The following PI16 variants were observed in gnomAD, a reference collection of about 807,000 sequenced individuals.
The protein encoded by PI16 is PSP94-binding protein.
In PI16, 35 loss-of-function variants were observed where a neutral mutation model predicts 38.0. That is an observed-to-expected ratio of 0.92 (90% CI 0.70 to 1.22). The LOEUF (loss-of-function observed/expected upper bound fraction) is 1.22. PI16 is among the 50% of genes most tolerant of loss of function. The pLI is 0.00. For missense variants in PI16, 572 were observed against 593.8 expected (o/e 0.96, Z 0.38); for synonymous variants, 275 against 252.9 (o/e 1.09, Z -0.83).
chr6:36,962,830 G>T lies in PI16; in HGVS notation c.593-105G>T. 5 of 942,096 alleles carry T rather than the reference G, an allele frequency of 5.3e-6. No individual in the cohort carries two copies. Among genetic ancestry groups the T allele is most frequent in the South Asian group, 5.0e-5 (3 of 59,672 alleles). 58.4% of individuals were successfully genotyped at this position (942,096 alleles called of 1,614,324 possible). On this transcript the variant is annotated intron_variant, in intron 4 of 6. Coordinates refer to ENST00000373674, the MANE Select transcript of PI16 (RefSeq NM_153370.3). The surrounding 1 kb of genome is among the most constrained non-coding windows in gnomAD (Gnocchi z 4.1). ...GCTGGAGAAGTGTATGTGTGTGTTT[G>T]TGTGTCCTGGTAGGACATTTGGTCG... is the stretch of plus-strand genomic sequence containing the variant.
chr6:36,957,184 T>C (rs889162414), intron 1 of PI16, among the ~76,000 whole-genome samples: 1 of 152,198 alleles, frequency 6.6e-6, no homozygotes, highest in Non-Finnish European at 1.5e-5. Flanking sequence ...GAAGGTTCTG[T>C]GTGTTCTGGC....
chr6:36,954,750 G>A lies in PI16; in HGVS notation c.-11G>A, dbSNP rs770290491. 79 of 1,606,650 alleles carry A rather than the reference G, an allele frequency of 4.9e-5. No individual in the cohort carries two copies. The highest frequency in any genetic ancestry group is 5.1e-5 in the Non-Finnish European group (60 of 1,175,868). On this transcript the variant is annotated 5_prime_UTR_variant, in exon 1 of 7. Transcript: ENST00000373674. Reference sequence around the variant, plus strand: ...ACCCCTGGACGGGAGAAGGAGAGACGGCTGGCCACCATGCACGGCTCCTGC... The same window carrying A: ...ACCCCTGGACGGGAGAAGGAGAGACAGCTGGCCACCATGCACGGCTCCTGC...
chr6:36,959,187 C>G lies in PI16; in HGVS notation c.214C>G (p.Arg72Gly), dbSNP rs1476910089. 4 of 1,610,992 alleles carry G rather than the reference C, an allele frequency of 2.5e-6. No homozygotes were observed. Among genetic ancestry groups the G allele is most frequent in the Non-Finnish European group, 3.4e-6 (4 of 1,179,280 alleles). Residue 72 changes from arginine to glycine, a missense_variant, in exon 2 of 7, where the codon CGG becomes GGG. Coordinates refer to ENST00000373674, the MANE Select transcript of PI16 (RefSeq NM_153370.3). ...ELAAFAKAYA[R>G]QCVWGHNKER... ...GGCCGCCTTCGCCAAGGCCTACGCA[C>G]GGCAGTGCGTGTGGGGCCACAACAA... is the stretch of plus-strand genomic sequence containing the variant.
At position 36,954,798 on chromosome 6, in the gene PI16, C is replaced by CGCTACT. The variant is rs761512620; in HGVS notation, c.48_53dup (p.Leu17_Leu18dup). 15 of 1,613,802 alleles carry CGCTACT rather than the reference C, an allele frequency of 9.3e-6. No individual in the cohort carries two copies. The South Asian group carries it at 1.2e-4, about 13-fold the overall frequency. On this transcript the variant is annotated inframe_insertion, in exon 1 of 7. Transcript: ENST00000373674. ...TGCAGTTTCCTGATGCTTCTGCTGC[C>CGCTACT]GCTACTGCTACTGCTGGTGGCCACC...
At chr6:36,950,400 GT>G (rs1267279157), upstream of PI16, among the ~76,000 whole-genome samples, 1 of 152,142 alleles carries the variant, frequency 6.6e-6, no homozygotes, top group Non-Finnish European at 1.5e-5. This position sits in a 1 kb window ranked among gnomAD's most constrained non-coding sequence, Gnocchi z 4.2. Context: ...CAAAATAATA[GT>G]CCATTGTATA....
At chr6:36,959,019 C>A in intron 1 of PI16, 126 bp from the exon 2 acceptor site, 1 of 822,552 alleles carries the variant, frequency 1.2e-6, no homozygotes, top group Non-Finnish European at 1.9e-6. Flanking sequence ...CTGTTCTAGG[C>A]CATGCCCAAG....
At position 36,959,350 on chromosome 6, in the gene PI16, G is replaced by T; in HGVS notation, c.377G>T (p.Cys126Phe). The T allele has an allele frequency of 6.4e-7, 1 of 1,560,070 alleles. No individual in the cohort carries two copies. The highest frequency in any genetic ancestry group is 8.7e-7 in the Non-Finnish European group (1 of 1,152,654). ...GCCACCTGCAGCCCAGGCCAGATGT[G>T]CGGCCACTACACGCAGGTGTGGGCC... ...SAATCSPGQM[C>F]GHYTQVVWAK... Residue 126 changes from cysteine to phenylalanine, a missense_variant, in exon 2 of 7, where the codon TGC becomes TTC. Physicochemically the swap from Cys to Phe is radical, Grantham distance 205. Coordinates refer to ENST00000373674, the MANE Select transcript of PI16 (RefSeq NM_153370.3).
chr6:36,963,967 G>GGCCTGGT lies in PI16; in HGVS notation c.*18+7_*18+13dup. On this transcript the variant is annotated splice_donor_region_variant and intron_variant, in intron 6 of 6. Coordinates refer to ENST00000373674, the MANE Select transcript of PI16 (RefSeq NM_153370.3). ...TGAAGGGGATACCACTCAAAGGCAA[G>GGCCTGGT]GCCTGGTGAGGGGGGCCCTGGCCTC... The GGCCTGGT allele has an allele frequency of 1.9e-6, 3 of 1,601,524 alleles. No homozygotes were observed. Among genetic ancestry groups the GGCCTGGT allele is most frequent in the Non-Finnish European group, 2.6e-6 (3 of 1,175,002 alleles).
chr6:36,956,954 C>T (rs1424536959), intron 1 of PI16, among the ~76,000 whole-genome samples: 1 of 152,196 alleles, frequency 6.6e-6, no homozygotes, highest in East Asian at 1.9e-4. Context: ...TGAAATCTAA[C>T]CCTTACCCCT....
rs1362201458 is a variant in PI16, at chr6:36,962,995, C to A, written c.653C>A (p.Ser218Tyr). ...CCTTACCTGGTAACTGAGGCCCCATCCTTCCGGGCGACTGAAGCATCAGAC... is the reference window on the plus strand; with the variant it reads ...CCTTACCTGGTAACTGAGGCCCCATACTTCCGGGCGACTGAAGCATCAGAC... ...DLPYLVTEAP[S>Y]FRATEASDSR... Residue 218 changes from serine to tyrosine, a missense_variant, in exon 5 of 7, where the codon TCC becomes TAC. By Grantham distance (144) the Ser-to-Tyr change is moderately radical (BLOSUM62 -2). Coordinates refer to ENST00000373674, the MANE Select transcript of PI16 (RefSeq NM_153370.3). The surrounding 1 kb of genome is among the most constrained non-coding windows in gnomAD (Gnocchi z 4.1). The A allele has an allele frequency of 6.2e-7, 1 of 1,614,102 alleles. No homozygotes were observed. The highest frequency in any genetic ancestry group is 1.1e-5 in the South Asian group (1 of 91,092).
Position 36,962,467 on chromosome 6 carries a change from T to C in PI16, c.593-468T>C, listed in dbSNP as rs1470479894. On this transcript the variant is annotated intron_variant, in intron 4 of 6. Coordinates refer to ENST00000373674, the MANE Select transcript of PI16 (RefSeq NM_153370.3). This position sits in a 1 kb window ranked among gnomAD's most constrained non-coding sequence, Gnocchi z 4.1. ...TCACCAGAAGTAACGTTTCTTTTCT[T>C]TTCTTTTTTCTTTTTCTTTTTTTTG... Among the ~76,000 whole-genome samples, 1 of 152,290 alleles carries C rather than the reference T, an allele frequency of 6.6e-6. No homozygotes were observed. Among genetic ancestry groups the C allele is most frequent in the East Asian group, 1.9e-4 (1 of 5,174 alleles).
rs1166360448 is a variant in PI16 at position 36,962,889 on chromosome 6, G to C, written c.593-46G>C. 1.4e-5 allele frequency: 21 copies of C among 1,509,822 alleles called. No homozygotes were observed. Among genetic ancestry groups the C allele is most frequent in the Non-Finnish European group, 1.6e-5 (18 of 1,111,548 alleles). The allele number at this position is 1,509,822 out of a possible 1,614,324, so 93.5% of individuals were successfully genotyped here. A position where few individuals can be genotyped will look rare whatever the true frequency, so the allele number is the denominator to read the frequency against. ...GGTTTGCAGTGCCATGAGAGATGTGGGGTCCTGCTTGCAGCACTCATGCCC... is the reference window on the plus strand; with the variant it reads ...GGTTTGCAGTGCCATGAGAGATGTGCGGTCCTGCTTGCAGCACTCATGCCC... On this transcript the variant is annotated intron_variant, in intron 4 of 6. Coordinates refer to ENST00000373674, the MANE Select transcript of PI16 (RefSeq NM_153370.3). This position sits in a 1 kb window ranked among gnomAD's most constrained non-coding sequence, Gnocchi z 4.1.
At chr6:36,952,319 G>A (rs1247908923), upstream of PI16, among the ~76,000 whole-genome samples, 1 of 152,120 alleles carries the variant, frequency 6.6e-6, no homozygotes, top group Non-Finnish European at 1.5e-5. Flanking sequence ...TTTTAATGAA[G>A]TCCAATTTAT....
At position 36,963,852 on chromosome 6, in the gene PI16, G is replaced by T; in HGVS notation, c.1300G>T (p.Val434Leu). The T allele has an allele frequency of 6.2e-7, 1 of 1,612,208 alleles. No individual in the cohort carries two copies. Among genetic ancestry groups the T allele is most frequent in the Non-Finnish European group, 8.5e-7 (1 of 1,179,250 alleles). ...GAEGPDKPSVVSGLNSGPGHV... is the reference protein window; with the variant it reads ...GAEGPDKPSVLSGLNSGPGHV... Reference sequence around the variant, plus strand: ...AGAGGGCCCTGACAAGCCTAGCGTCGTGTCAGGGCTGAACTCGGGCCCTGG... The same window carrying T: ...AGAGGGCCCTGACAAGCCTAGCGTCTTGTCAGGGCTGAACTCGGGCCCTGG... Residue 434 changes from valine to leucine, a missense_variant, in exon 6 of 7, where the codon GTG becomes TTG. By Grantham distance (32) the Val-to-Leu change is conservative (BLOSUM62 1). Coordinates refer to ENST00000373674, the MANE Select transcript of PI16 (RefSeq NM_153370.3).
chr6:36,963,272 G>C lies in PI16; in HGVS notation c.930G>C (p.Ser310=). ...AGGAGCCAGTTACCTTCCCCAAATC[G>C]ACCCATGTTCCTATCCCAAAATCAG... ...LDEEPVTFPK[S]THVPIPKSAD... is the part of the protein sequence containing the mutation. Residue 310 remains serine (S), a synonymous_variant, in exon 5 of 7, where the codon TCG becomes TCC. Transcript: ENST00000373674. 1 of 1,614,108 alleles carries C rather than the reference G, an allele frequency of 6.2e-7. No individual in the cohort carries two copies. Among genetic ancestry groups the C allele is most frequent in the Non-Finnish European group, 8.5e-7 (1 of 1,180,024 alleles).
upstream of PI16, among the ~76,000 whole-genome samples, chr6:36,952,222 G>T (rs1763113495): frequency 6.6e-6 from 1 of 152,028 alleles, no homozygotes; most frequent in Non-Finnish European, 1.5e-5. Flanking sequence ...TCGAACTCTT[G>T]ACCTCAAGTG....
At chr6:36,956,130 G>A (rs1380771517) in intron 1 of PI16, among the ~76,000 whole-genome samples, 1 of 152,234 alleles carries the variant, frequency 6.6e-6, no homozygotes. Flanking sequence ...ATGGAAACAT[G>A]GGGCTGGCGA....
At chr6:36,955,942 G>A (rs1763193598) in intron 1 of PI16, among the ~76,000 whole-genome samples, 1 of 152,216 alleles carries the variant, frequency 6.6e-6, no homozygotes, top group South Asian at 2.1e-4. Flanking sequence ...GGTGACTGGG[G>A]AGGTTGCTGG....
chr6:36,962,939 C>T lies in PI16; in HGVS notation c.597C>T (p.Pro199=), dbSNP rs760687939. The change falls in exon 5 of 7, where the codon CCC becomes CCT. Residue 199 remains proline, a synonymous_variant. Transcript: ENST00000373674. The surrounding 1 kb of genome is among the most constrained non-coding windows in gnomAD (Gnocchi z 4.1). ...GYHCKNSLCE[P]IGSPEDAQDL... Reference sequence around the variant, plus strand: ...CGTTCTCGTCTGTCTTATCAGAACCCATCGGAAGCCCGGAAGATGCTCAGG... The same window carrying T: ...CGTTCTCGTCTGTCTTATCAGAACCTATCGGAAGCCCGGAAGATGCTCAGG... The T allele has an allele frequency of 8.1e-6, 13 of 1,611,576 alleles. No homozygotes were observed.
Sources: gnomAD v4.1 joint callset for allele counts (sites outside exome capture counted in the v4.1 genomes callset) on GRCh38, gnomAD v4.1.1 for gene constraint, Gnocchi (gnomAD v3.1) non-coding constraint, MANE v1.5 for transcripts, NCBI Gene and HGNC (gene_info 2026-07-23, HGNC 2026-07-21) for gene names.